SPTBN4: variants seen among roughly 807,000 people sequenced by gnomAD.
SPTBN4 encodes the protein spectrin beta, non-erythrocytic 4, also known as spectrin beta chain, non-erythrocytic 4.
Under a neutral mutation model 277.8 loss-of-function variants are expected in SPTBN4, and 96 were observed. That is an observed-to-expected ratio of 0.35 (90% CI 0.29 to 0.41). The LOEUF (loss-of-function observed/expected upper bound fraction) is 0.41. Ranked by LOEUF, SPTBN4 falls within the 10% of genes least tolerant of loss-of-function variation. The pLI, the probability that SPTBN4 is intolerant of heterozygous loss-of-function variation, is 1.00. For synonymous variants in SPTBN4, 1,481 were observed against 1,580.3 expected, an observed-to-expected ratio of 0.94 and a Z score of 1.49; for missense variants, 3,006 against 3,595.7, an observed-to-expected ratio of 0.84 and a Z score of 4.19.
At chr19:40,539,705 C>A (rs1173852649) in intron 20 of SPTBN4, among the ~76,000 whole-genome samples, 1 of 151,430 alleles carries the variant, frequency 6.6e-6, no homozygotes, top group Admixed American at 6.6e-5. Flanking sequence ...GTCTCAAACT[C>A]CTGACCTCAA....
intron 2 of SPTBN4, among the ~76,000 whole-genome samples, chr19:40,474,451 G>A (rs2079924411): frequency 1.4e-5 from 2 of 147,014 alleles, no homozygotes; most frequent in Admixed American, 1.4e-4. Flanking sequence ...TTTTTTTTGA[G>A]TCAGGGTCTC....
chr19:40,532,564 G>A (rs1438818411), intron 18 of SPTBN4, 61 bp from the exon 19 acceptor site: 2 of 1,567,344 alleles, frequency 1.3e-6, no homozygotes. Flanking sequence ...CTTCCTGAAG[G>A]GATGGGGGGC....
intron 20 of SPTBN4, among the ~76,000 whole-genome samples, chr19:40,536,941 A>T (rs549155069): frequency 6.6e-6 from 1 of 151,002 alleles, no homozygotes; most frequent in Non-Finnish European, 1.5e-5. Flanking sequence ...CCACACCACC[A>T]TGCCTGATTG....
rs2080292238 is a variant in SPTBN4 at position 40,503,925 on chromosome 19, G to C, written c.1458G>C (p.Gln486His). Residue 486 changes from glutamine to histidine, a missense_variant, in exon 12 of 36, where the codon CAG becomes CAC. Physicochemically the swap from Gln to His is conservative, Grantham distance 24. Coordinates refer to ENST00000598249, the MANE Select transcript of SPTBN4 (RefSeq NM_020971.3). The stretch of plus-strand genomic sequence containing the variant: ...TTGCGGCCTACGAGGAGCGGGTGCA[G>C]GGTGTGGCGGAGCTGGCCCAGGCAT... Reference protein sequence around the residue: ...ADIAAYEERVQGVAELAQALA... With the variant: ...ADIAAYEERVHGVAELAQALA... The C allele has an allele frequency of 6.2e-7, 1 of 1,613,840 alleles. No homozygotes were observed. Among genetic ancestry groups the C allele is most frequent in the East Asian group, 2.2e-5 (1 of 44,888 alleles).
chr19:40,500,320 C>T (rs1040539024), intron 7 of SPTBN4, among the ~76,000 whole-genome samples: 1 of 152,162 alleles, frequency 6.6e-6, no homozygotes, highest in African/African-American at 2.4e-5. Context: ...TTTATTATAA[C>T]AATGGGGAAA....
At position 40,512,959 on chromosome 19, in the gene SPTBN4, G is replaced by T. The variant is rs1458891521; in HGVS notation, c.2170G>T (p.Glu724Ter). 7.8e-6 allele frequency: 11 copies of T among 1,414,252 alleles called. No individual in the cohort carries two copies. The highest frequency in any genetic ancestry group is 9.1e-6 in the Non-Finnish European group (10 of 1,094,206). 87.6% of individuals were successfully genotyped at this position (1,414,252 alleles called of 1,614,324 possible). The change falls in exon 14 of 36, where the codon GAG becomes TAG. Residue 724 changes from glutamate (E) to a stop codon, truncating the protein, a stop_gained. Transcript: ENST00000598249. LOFTEE classifies it high-confidence loss of function. The part of the protein sequence containing the change: ...LLQQALRCGE[E>*]LVAAGGAVGP... ...GCAGCAGGCCCTGCGGTGTGGCGAG[G>T]AGCTGGTTGCGGCCGGCGGTGCCGT...
intron 13 of SPTBN4, among the ~76,000 whole-genome samples, chr19:40,508,840 T>C (rs369005447): frequency 8.4e-4 from 127 of 152,092 alleles, no homozygotes; most frequent in Middle Eastern, 3.4e-3. Context: ...GTCTTAATCA[T>C]TTTGATCTAG....
intron 16 of SPTBN4, among the ~76,000 whole-genome samples, chr19:40,522,265 T>A (rs2080535541): frequency 6.6e-6 from 1 of 151,476 alleles, no homozygotes; most frequent in African/African-American, 2.4e-5. Context: ...TGGGGTCAAG[T>A]GATCCTCCCG....
chr19:40,494,558 C>G (rs1472200452), intron 5 of SPTBN4, among the ~76,000 whole-genome samples: 1 of 151,746 alleles, frequency 6.6e-6, no homozygotes, highest in Non-Finnish European at 1.5e-5. Context: ...ATGTATCTAT[C>G]TATCTATCTT....
At chr19:40,486,474 A>T (rs2080073776) in intron 2 of SPTBN4, among the ~76,000 whole-genome samples, 1 of 151,560 alleles carries the variant, frequency 6.6e-6, no homozygotes, top group Non-Finnish European at 1.5e-5. Flanking sequence ...AGGCCAAGCG[A>T]TCCTCCTGCC....
chr19:40,504,585 C>T lies in SPTBN4; in HGVS notation c.1665+453C>T, dbSNP rs112228829. ...TTGGGAGGCTGAGGCAGGAGAATGGCGTGAACCCGGGAGGCGGAGCTTGCA... is the reference window on the plus strand; with the variant it reads ...TTGGGAGGCTGAGGCAGGAGAATGGTGTGAACCCGGGAGGCGGAGCTTGCA... On this transcript the variant is annotated intron_variant, in intron 12 of 35. Transcript: ENST00000598249. Among the ~76,000 whole-genome samples the T allele has an allele frequency of 8.4e-3, 1,267 of 151,566 alleles. 16 individuals are homozygous for T. The highest frequency in any genetic ancestry group is 0.029 in the African/African-American group (1,217 of 41,306).
intron 20 of SPTBN4, among the ~76,000 whole-genome samples, chr19:40,544,978 G>T (rs2080843457): frequency 6.6e-6 from 1 of 151,686 alleles, no homozygotes. Flanking sequence ...TTTCTCTCTT[G>T]ATGGGCATTG....
chr19:40,536,265 G>C (rs2080734624), intron 20 of SPTBN4, among the ~76,000 whole-genome samples: 1 of 151,724 alleles, frequency 6.6e-6, no homozygotes, highest in Non-Finnish European at 1.5e-5. Flanking sequence ...CCAGGCTGGA[G>C]TGTGGTGGTG....
intron 22 of SPTBN4, among the ~76,000 whole-genome samples, chr19:40,550,695 C>T (rs966539934): frequency 4.0e-5 from 6 of 149,162 alleles, no homozygotes; most frequent in Non-Finnish European, 8.9e-5. Context: ...TAGAGATGGA[C>T]GGCGGGGGGT....
chr19:40,494,342 T>C (rs2145834552), intron 5 of SPTBN4, among the ~76,000 whole-genome samples: 1 of 151,502 alleles, frequency 6.6e-6, no homozygotes, highest in South Asian at 2.1e-4. Flanking sequence ...TCTCTTCATG[T>C]CTTCTTTCTC....
At chr19:40,472,377 A>G (rs1036985131) in intron 1 of SPTBN4, among the ~76,000 whole-genome samples, 1 of 149,176 alleles carries the variant, frequency 6.7e-6, no homozygotes, top group Admixed American at 6.7e-5. Flanking sequence ...AAATCTTGCT[A>G]TGTTGCCCAG....
In SPTBN4 at chr19:40,575,686, G is replaced by A; in HGVS notation, c.*117G>A. On this transcript the variant is annotated 3_prime_UTR_variant, in exon 36 of 36. Transcript: ENST00000598249. ...CCTAGTTCCAACACTGAGGACGCGTGACATGGTGGGCACCGGAAAGGAGGG... is the reference window on the plus strand; with the variant it reads ...CCTAGTTCCAACACTGAGGACGCGTAACATGGTGGGCACCGGAAAGGAGGG... 7.7e-7 allele frequency: 1 copy of A among 1,290,472 alleles called. No homozygotes were observed. The allele number at this position is 1,290,472 out of a possible 1,614,324, so 79.9% of individuals were successfully genotyped here.
chr19:40,532,770 G>A lies in SPTBN4; in HGVS notation c.4094G>A (p.Arg1365Gln), dbSNP rs532852317. 59 of 1,609,206 alleles carry A rather than the reference G, an allele frequency of 3.7e-5. 1 individual carries two copies. In the South Asian group the frequency reaches 4.4e-4, roughly 12 times the overall value. ...AAGGAGTGGCTGGAGAAGATCGAGCGGGTGAGGAAGCTGATGGCCCCTCTG... is the reference window on the plus strand; with the variant it reads ...AAGGAGTGGCTGGAGAAGATCGAGCAGGTGAGGAAGCTGATGGCCCCTCTG... ...QNKEWLEKIEREGQQLMQEKP... is the reference protein window; with the variant it reads ...QNKEWLEKIEQEGQQLMQEKP... The change falls in exon 19 of 36, where the codon CGG becomes CAG. Residue 1365 changes from arginine (R) to glutamine (Q), a missense_variant and splice_region_variant. Physicochemically the swap from Arg to Gln is conservative, Grantham distance 43. Coordinates refer to ENST00000598249, the MANE Select transcript of SPTBN4 (RefSeq NM_020971.3).
At chr19:40,479,675 C>CATATATATATATATATATATATAT (rs34118043) in intron 2 of SPTBN4, among the ~76,000 whole-genome samples, 7 of 126,692 alleles carry the variant, frequency 5.5e-5, no homozygotes, top group African/African-American at 1.3e-4. Context: ...AATGAGTAAG[C>CATATATATATATATATATATATAT]ATATATATAT....
Sources: allele counts gnomAD v4.1 joint callset (sites outside exome capture counted in the v4.1 genomes callset), GRCh38; gene constraint gnomAD v4.1.1; transcripts MANE v1.5; gene names NCBI Gene and HGNC (gene_info 2026-07-23, HGNC 2026-07-21).